The following TUBGCP3 variants were observed in gnomAD, a reference collection of about 807,000 sequenced individuals.
TUBGCP3 encodes gamma-tubulin complex component 3.
Under a neutral mutation model 123.1 loss-of-function variants are expected in TUBGCP3, and 50 were observed. The ratio of observed to expected loss-of-function variants is 0.41; its 90% CI spans 0.32 to 0.51. The LOEUF is 0.51. Among genes scored for constraint, TUBGCP3 ranks in the 20% least tolerant of loss-of-function variants. TUBGCP3 has a pLI of 0.36. For missense variants in TUBGCP3, 882 were observed against 1,127.0 expected (o/e 0.78, Z 3.11); for synonymous variants, 405 against 413.9 (o/e 0.98, Z 0.26).
chr13:112,581,056 C>T (rs773442615), intron 1 of TUBGCP3, among the ~76,000 whole-genome samples: 67 of 152,232 alleles, frequency 4.4e-4, no homozygotes, highest in African/African-American at 1.6e-3. Flanking sequence ...CACAACAGAA[C>T]CCAACCTCCT....
intron 11 of TUBGCP3, among the ~76,000 whole-genome samples, chr13:112,540,025 T>C (rs111860835): frequency 7.5e-6 from 1 of 133,214 alleles, no homozygotes; most frequent in Non-Finnish European, 1.6e-5. Context: ...GACGTCAATG[T>C]AGTAGCCTAT....
Position 112,511,170 on chromosome 13 carries a change from T to G in TUBGCP3, c.2086+5270A>C, listed in dbSNP as rs1881650366. On this transcript the variant is annotated intron_variant, in intron 17 of 21. Coordinates refer to ENST00000261965, the MANE Select transcript of TUBGCP3 (RefSeq NM_006322.6). The surrounding 1 kb of genome is among the most constrained non-coding windows in gnomAD (Gnocchi z 4.1). ...ATCAAGAAAGTAAAACAGTTGCCAG[T>G]CACACTGACAGACACCCTGACCACA... 6.6e-6 allele frequency among the ~76,000 whole-genome samples: 1 copy of G among 152,172 alleles called. No individual in the cohort carries two copies. The highest frequency in any genetic ancestry group is 1.5e-5 in the Non-Finnish European group (1 of 68,032).
chr13:112,600,710 G>A, the TUBGCP3 span, among the ~76,000 whole-genome samples: 1 of 152,054 alleles, frequency 6.6e-6, no homozygotes, highest in African/African-American at 2.4e-5. Context: ...AGGATCGAAG[G>A]ATGCTTTTTG....
intron 8 of TUBGCP3, among the ~76,000 whole-genome samples, chr13:112,552,454 T>C (rs1232827305): frequency 6.6e-6 from 1 of 152,212 alleles, no homozygotes; most frequent in African/African-American, 2.4e-5. Context: ...CTATCTGCCC[T>C]TGCAATGAGG....
In TUBGCP3 at chr13:112,558,238, G is replaced by A. The variant is rs1452281057; in HGVS notation, c.506C>T (p.Ala169Val). ...SSGISSIGLC[A>V]LSGPAPAPQS... ...TGGCGCAGGCGCGGGGCCACTGAGG[G>A]CACACAGGCCAATGCTGCTGATGCC... is the stretch of plus-strand genomic sequence containing the variant. The change falls in exon 5 of 22, where the codon GCC becomes GTC. Residue 169 changes from alanine to valine, a missense_variant. By Grantham distance (64) the Ala-to-Val change is moderately conservative (BLOSUM62 0). This residue lies in a region of TUBGCP3 where 713 missense variants were observed against 874.0 expected (regional missense o/e 0.82). Transcript: ENST00000261965. 3 of 1,612,374 alleles carry A rather than the reference G, an allele frequency of 1.9e-6. No individual in the cohort carries two copies.
chr13:112,554,290 A>G, intron 7 of TUBGCP3, 108 bp from the exon 8 acceptor site: 1 of 1,303,350 alleles, frequency 7.7e-7, no homozygotes, highest in African/African-American at 1.5e-5. Context: ...CTTAGGCTTC[A>G]AGACATAAAA....
chr13:112,572,170 C>A (rs372809995), intron 1 of TUBGCP3, among the ~76,000 whole-genome samples: 7 of 152,234 alleles, frequency 4.6e-5, no homozygotes, highest in African/African-American at 1.7e-4. Context: ...CAGCTTTTGG[C>A]ATGCCTTCCT....
chr13:112,540,076 G>T (rs55732271), intron 11 of TUBGCP3, among the ~76,000 whole-genome samples: 7 of 141,342 alleles, frequency 5.0e-5, no homozygotes, highest in African/African-American at 1.9e-4. Context: ...CTGGGAATGA[G>T]GACGTCAATG....
chr13:112,512,048 A>C (rs1250207317), intron 17 of TUBGCP3, among the ~76,000 whole-genome samples: 1 of 152,252 alleles, frequency 6.6e-6, no homozygotes, highest in Non-Finnish European at 1.5e-5. Flanking sequence ...ACAAGAAATA[A>C]TTGAGTGTCT....
upstream of TUBGCP3, among the ~76,000 whole-genome samples, chr13:112,591,838 C>T (rs1331155055): frequency 6.6e-6 from 1 of 152,220 alleles, no homozygotes; most frequent in African/African-American, 2.4e-5. Flanking sequence ...CACTCAATAT[C>T]GGGATGGCAT....
At chr13:112,547,782 A>C in intron 9 of TUBGCP3, 30 bp from the exon 10 acceptor site, 1 of 1,423,434 alleles carries the variant, frequency 7.0e-7, no homozygotes, top group Non-Finnish European at 9.2e-7. Flanking sequence ...GAAATGTTTA[A>C]GTACAAATAA....
At chr13:112,497,782 T>C (rs987511443) in intron 20 of TUBGCP3, among the ~76,000 whole-genome samples, 4 of 152,332 alleles carry the variant, frequency 2.6e-5, no homozygotes, top group South Asian at 2.1e-4. Flanking sequence ...ATGGTAAGTA[T>C]TGTGTATCTA....
intron 1 of TUBGCP3, among the ~76,000 whole-genome samples, chr13:112,570,770 A>C (rs1881332777): frequency 6.6e-6 from 1 of 152,236 alleles, no homozygotes; most frequent in Non-Finnish European, 1.5e-5. Context: ...TTTTACCCAC[A>C]GTAGAACTTC....
At chr13:112,548,217 T>G (rs183410177) in intron 8 of TUBGCP3, 41 bp from the exon 9 acceptor site, 2 of 1,490,544 alleles carry the variant, frequency 1.3e-6, no homozygotes, top group African/African-American at 2.8e-5. Context: ...GACACACTCA[T>G]TACACATTGA....
the TUBGCP3 span, among the ~76,000 whole-genome samples, chr13:112,601,979 C>T: frequency 2.6e-5 from 4 of 152,160 alleles, no homozygotes; most frequent in Admixed American, 1.3e-4. Flanking sequence ...TTATGCCAGG[C>T]GCTTAGCAGT....
At chr13:112,510,188 C>T (rs1245754163) in intron 17 of TUBGCP3, among the ~76,000 whole-genome samples, 1 of 152,136 alleles carries the variant, frequency 6.6e-6, no homozygotes, top group East Asian at 1.9e-4. Flanking sequence ...TCCACTGACC[C>T]CTAAAGGCTG....
At chr13:112,509,726 T>C (rs1278754112) in intron 17 of TUBGCP3, among the ~76,000 whole-genome samples, 1 of 152,094 alleles carries the variant, frequency 6.6e-6, no homozygotes, top group Non-Finnish European at 1.5e-5. Flanking sequence ...CGTAAAACCA[T>C]CCACATGACA....
intron 14 of TUBGCP3, 96 bp from the exon 15 acceptor site, chr13:112,520,117 TA>T (rs1876490501): frequency 7.9e-7 from 1 of 1,261,918 alleles, no homozygotes; most frequent in Non-Finnish European, 1.1e-6. Flanking sequence ...GTTCAAATTA[TA>T]AAAACTCAAA....
chr13:112,574,468 C>A (rs1881656411), intron 1 of TUBGCP3, among the ~76,000 whole-genome samples: 4 of 152,224 alleles, frequency 2.6e-5, no homozygotes, highest in African/African-American at 9.6e-5. Flanking sequence ...CATAGACAAT[C>A]CAAAATCCCC....
Sources: allele counts gnomAD v4.1 joint callset (sites outside exome capture counted in the v4.1 genomes callset), GRCh38; gene constraint gnomAD v4.1.1; regional missense constraint gnomAD v4.1.1; non-coding constraint Gnocchi (gnomAD v3.1); transcripts MANE v1.5; gene names NCBI Gene and HGNC (gene_info 2026-07-23, HGNC 2026-07-21).